KIAA1958: variants seen among roughly 807,000 people sequenced by gnomAD.
KIAA1958 encodes uncharacterized protein KIAA1958.
Under a neutral mutation model 47.2 loss-of-function variants are expected in KIAA1958, and 14 were observed. The ratio of observed to expected loss-of-function variants is 0.30; its 90% CI spans 0.20 to 0.46. The LOEUF is 0.46. Ranked by LOEUF, KIAA1958 falls within the 20% of genes least tolerant of loss-of-function variation. The pLI is 1.00. For synonymous variants in KIAA1958, 354 were observed against 353.3 expected, an observed-to-expected ratio of 1.00 and a Z score of -0.02; for missense variants, 803 against 909.2, an observed-to-expected ratio of 0.88 and a Z score of 1.50.
At chr9:112,576,850 G>A (rs898979005) in intron 2 of KIAA1958, among the ~76,000 whole-genome samples, 1 of 152,014 alleles carries the variant, frequency 6.6e-6, no homozygotes, top group African/African-American at 2.4e-5. Context: ...TCTTGCTTGG[G>A]TAACTACCTA....
chr9:112,544,169 T>C (rs1401726875), intron 1 of KIAA1958, among the ~76,000 whole-genome samples: 3 of 152,204 alleles, frequency 2.0e-5, no homozygotes, highest in African/African-American at 4.8e-5. Context: ...TTCTTATCTG[T>C]AGCCTTCTTT....
chr9:112,638,113 C>T (rs1836835619), intron 2 of KIAA1958, among the ~76,000 whole-genome samples: 1 of 152,130 alleles, frequency 6.6e-6, no homozygotes, highest in African/African-American at 2.4e-5. Flanking sequence ...CGTGCCACTG[C>T]ACTCCAGCCT....
rs531343466 is a variant in KIAA1958 at position 112,632,355 on chromosome 9, ATTATT to A, written c.1172-13293_1172-13289del. On this transcript the variant is annotated intron_variant, in intron 2 of 3. Transcript: ENST00000337530. ...GTAAATATATATATATATATGCACA[ATTATT>A]TAATTATTCATCTCCTAATGGGTTT... Among the ~76,000 whole-genome samples, 787 of 152,120 alleles carry A rather than the reference ATTATT, an allele frequency of 5.2e-3. 10 individuals carry two copies. The highest frequency in any genetic ancestry group is 0.018 in the African/African-American group (749 of 41,532).
At chr9:112,639,181 C>A (rs917150047) in intron 2 of KIAA1958, among the ~76,000 whole-genome samples, 2 of 152,128 alleles carry the variant, frequency 1.3e-5, no homozygotes, top group Admixed American at 1.3e-4. Flanking sequence ...TTGCCAGTTG[C>A]CCTAACAGTG....
At chr9:112,528,480 C>T (rs558422739) in intron 1 of KIAA1958, among the ~76,000 whole-genome samples, 1 of 152,052 alleles carries the variant, frequency 6.6e-6, no homozygotes, top group South Asian at 2.1e-4. Context: ...ATCAGCCAGG[C>T]TCTCACCTTC....
intron 1 of KIAA1958, among the ~76,000 whole-genome samples, chr9:112,526,583 C>T (rs1834659281): frequency 2.0e-5 from 3 of 152,182 alleles, no homozygotes. Context: ...AGTTTATTTG[C>T]TCACAGTTCT....
chr9:112,641,136 C>G (rs961050874), intron 2 of KIAA1958, among the ~76,000 whole-genome samples: 1 of 151,940 alleles, frequency 6.6e-6, no homozygotes, highest in African/African-American at 2.4e-5. Context: ...CCCCTTTGTT[C>G]TATCCATTTT....
chr9:112,499,966 G>A (rs1437957766), intron 1 of KIAA1958, among the ~76,000 whole-genome samples: 1 of 151,932 alleles, frequency 6.6e-6, no homozygotes, highest in East Asian at 1.9e-4. Flanking sequence ...GGGATTACAG[G>A]CGTGAGCCAC....
chr9:112,509,188 G>A (rs1834282566), intron 1 of KIAA1958, among the ~76,000 whole-genome samples: 1 of 148,966 alleles, frequency 6.7e-6, no homozygotes. Context: ...AAGAAGGCAA[G>A]CCAGGCCCAT....
intron 1 of KIAA1958, among the ~76,000 whole-genome samples, chr9:112,532,248 A>T (rs1311035973): frequency 1.3e-5 from 2 of 152,218 alleles, no homozygotes; most frequent in East Asian, 3.8e-4. Flanking sequence ...GATATATTCC[A>T]GTCTTCAAAT....
At position 112,618,340 on chromosome 9, in the gene KIAA1958, G is replaced by A. The variant is rs1836441269; in HGVS notation, c.1172-27310G>A. The A allele has an allele frequency of 6.4e-7, 1 of 1,551,106 alleles. No homozygotes were observed. Among genetic ancestry groups the A allele is most frequent in the African/African-American group, 1.4e-5 (1 of 73,034 alleles). On this transcript the variant is annotated intron_variant, in intron 2 of 3. Transcript: ENST00000337530. This position sits in a 1 kb window ranked among gnomAD's most constrained non-coding sequence, Gnocchi z 7.1. ...CCGAGGGTTTGCTCAACCTAGTCTG[G>A]CTCAACAACACAAAAGCTTTTGGGC... is the stretch of plus-strand genomic sequence containing the variant.
At chr9:112,564,936 ATAAT>A (rs1835402166) in intron 1 of KIAA1958, among the ~76,000 whole-genome samples, 2 of 152,210 alleles carry the variant, frequency 1.3e-5, no homozygotes, top group South Asian at 4.1e-4. Flanking sequence ...TAAAATGAGG[ATAAT>A]TAATTTAGTC....
rs144518197 is a variant in KIAA1958, at chr9:112,497,581, A to G, written c.-25+10463A>G. Among the ~76,000 whole-genome samples, 582 of 152,320 alleles carry G rather than the reference A, an allele frequency of 3.8e-3. 2 individuals are homozygous for G. Among genetic ancestry groups the G allele is most frequent in the Non-Finnish European group, 6.6e-3 (450 of 68,034 alleles). ...TATTTTATTATGGCAGCCCTAGCAA[A>G]TGAATCCACTGACATTGATAAAATC... On this transcript the variant is annotated intron_variant, in intron 1 of 3. Coordinates refer to ENST00000337530, the MANE Select transcript of KIAA1958 (RefSeq NM_133465.4).
intron 1 of KIAA1958, among the ~76,000 whole-genome samples, chr9:112,565,314 G>C (rs1245821346): frequency 6.6e-6 from 1 of 152,186 alleles, no homozygotes; most frequent in Non-Finnish European, 1.5e-5. Context: ...ACCTTGCCTA[G>C]GCTGGTCTCA....
intron 2 of KIAA1958, among the ~76,000 whole-genome samples, chr9:112,640,134 A>C (rs1028669276): frequency 6.6e-6 from 1 of 152,208 alleles, no homozygotes; most frequent in Admixed American, 6.5e-5. Flanking sequence ...ACCACTGTGT[A>C]TGAAAACTTT....
intron 1 of KIAA1958, among the ~76,000 whole-genome samples, chr9:112,535,659 C>T (rs1247230820): frequency 2.0e-5 from 3 of 152,094 alleles, no homozygotes; most frequent in African/African-American, 7.2e-5. Context: ...TACTCTTTTC[C>T]ATAATGGCTA....
intron 1 of KIAA1958, among the ~76,000 whole-genome samples, chr9:112,516,577 A>G (rs553567520): frequency 3.3e-5 from 5 of 152,312 alleles, no homozygotes; most frequent in African/African-American, 9.6e-5. Context: ...TATTTCAGCA[A>G]AGTTTTTAGT....
intron 1 of KIAA1958, among the ~76,000 whole-genome samples, chr9:112,513,509 T>G (rs1422151436): frequency 4.2e-4 from 2 of 4,706 alleles, no homozygotes; most frequent in Admixed American, 4.4e-3. Context: ...TTGGCGCGGC[T>G]GCGCTGCGGC....
At chr9:112,571,815 AAAAAAT>A (rs751544620) in intron 1 of KIAA1958, among the ~76,000 whole-genome samples, 36 of 148,248 alleles carry the variant, frequency 2.4e-4, no homozygotes, top group African/African-American at 6.5e-4. Flanking sequence ...AAATAAAAAC[AAAAAAT>A]AAAAATAAAA....
Sources: allele counts gnomAD v4.1 joint callset (sites outside exome capture counted in the v4.1 genomes callset), GRCh38; gene constraint gnomAD v4.1.1; non-coding constraint Gnocchi (gnomAD v3.1); transcripts MANE v1.5; gene names NCBI Gene and HGNC (gene_info 2026-07-23, HGNC 2026-07-21).